The following SCLT1 variants were observed in gnomAD, a reference collection of about 807,000 sequenced individuals.
SCLT1 encodes the protein sodium channel-associated protein 1.
SCLT1 carries 78 observed loss-of-function variants against 112.8 expected under a neutral mutation model. The observed-to-expected ratio is 0.69, with a 90% CI of 0.58 to 0.83. The LOEUF (loss-of-function observed/expected upper bound fraction) is 0.83. Ranked by LOEUF, SCLT1 falls within the 40% of genes least tolerant of loss-of-function variation. The probability of loss-of-function intolerance (pLI) is 0.00; values close to 1 mark genes in which losing one functional copy is unlikely to be tolerated. For synonymous variants in SCLT1, 257 were observed against 254.7 expected (o/e 1.01, Z -0.09); for missense variants, 747 against 770.4 (o/e 0.97, Z 0.36).
chr4:129,088,493 A>G (rs1263591119), intron 1 of SCLT1, among the ~76,000 whole-genome samples: 1 of 152,242 alleles, frequency 6.6e-6, no homozygotes, highest in Non-Finnish European at 1.5e-5. Flanking sequence ...CTTCTGTTCA[A>G]TACTGTACCA....
intron 1 of SCLT1, among the ~76,000 whole-genome samples, chr4:129,085,137 T>C (rs543491298): frequency 6.6e-6 from 1 of 152,274 alleles, no homozygotes; most frequent in South Asian, 2.1e-4. Flanking sequence ...AAAGGTCTAA[T>C]AGTCAGCATC....
intron 11 of SCLT1, among the ~76,000 whole-genome samples, chr4:128,964,911 G>T (rs1740044143): frequency 6.6e-6 from 1 of 151,866 alleles, no homozygotes; most frequent in East Asian, 1.9e-4. Context: ...TGATATCAAG[G>T]GTTTTATTTG....
chr4:128,952,174 T>C (rs1320275500), intron 14 of SCLT1, among the ~76,000 whole-genome samples: 3 of 152,174 alleles, frequency 2.0e-5, no homozygotes, highest in Admixed American at 1.3e-4. Flanking sequence ...TGCTAAATTT[T>C]GTAACAGAGA....
intron 5 of SCLT1, among the ~76,000 whole-genome samples, chr4:129,034,515 T>C (rs1747012847): frequency 6.6e-6 from 1 of 151,162 alleles, no homozygotes; most frequent in South Asian, 2.1e-4. Context: ...CTACTTTATA[T>C]GCTAAATACT....
At chr4:128,992,282 CTG>C (rs1742643411) in intron 8 of SCLT1, 45 bp from the exon 9 acceptor site, 5 of 1,219,950 alleles carry the variant, frequency 4.1e-6, no homozygotes, top group Admixed American at 2.1e-5. Context: ...TATTTAATAA[CTG>C]TATCTTTAAA....
At chr4:128,989,175 A>C (rs1189320009) in intron 9 of SCLT1, among the ~76,000 whole-genome samples, 2 of 151,932 alleles carry the variant, frequency 1.3e-5, no homozygotes. Flanking sequence ...TGAAAAATAT[A>C]TGTTTTTCTT....
At chr4:129,074,480 A>C (rs376292660) in intron 2 of SCLT1, among the ~76,000 whole-genome samples, 7 of 152,212 alleles carry the variant, frequency 4.6e-5, no homozygotes, top group African/African-American at 1.4e-4. Flanking sequence ...TTTGCTAGTG[A>C]AACTTTTAGA....
chr4:129,058,986 GGATATAATTGAATTCATCAT>G (rs927197395), intron 2 of SCLT1, among the ~76,000 whole-genome samples: 5 of 152,172 alleles, frequency 3.3e-5, no homozygotes, highest in Admixed American at 6.5e-5. Context: ...TCAGGAAGGA[GGATATAATTGAATTCATCAT>G]GATATAATTG....
intron 2 of SCLT1, among the ~76,000 whole-genome samples, chr4:129,049,234 T>C (rs1748507050): frequency 6.6e-6 from 1 of 151,698 alleles, no homozygotes; most frequent in Non-Finnish European, 1.5e-5. Context: ...CCAACCCAAA[T>C]GTCCAACAAT....
chr4:129,044,730 A>G (rs1439317960), intron 2 of SCLT1, among the ~76,000 whole-genome samples: 1 of 151,824 alleles, frequency 6.6e-6, no homozygotes, highest in Non-Finnish European at 1.5e-5. Context: ...ATTGCACTCA[A>G]AAATGAAGTT....
At chr4:129,005,444 T>C (rs1743909966) in intron 5 of SCLT1, among the ~76,000 whole-genome samples, 1 of 152,096 alleles carries the variant, frequency 6.6e-6, no homozygotes, top group Non-Finnish European at 1.5e-5. Context: ...ATCAGAGAAA[T>C]GCAAATCAAA....
In SCLT1 at chr4:128,925,045, T is replaced by C. The variant is rs572664526; in HGVS notation, c.1829+11610A>G. On this transcript the variant is annotated intron_variant, in intron 18 of 20. Coordinates refer to ENST00000281142, the MANE Select transcript of SCLT1 (RefSeq NM_144643.4). ...AACAAGGCAAGGAACTGATGTCTCC[T>C]GCCAATGCCAGTTAAGACCCGAGGC... 9.2e-5 allele frequency among the ~76,000 whole-genome samples: 14 copies of C among 152,264 alleles called. No homozygotes were observed. In the East Asian group the frequency reaches 2.7e-3, roughly 29 times the overall value.
At chr4:129,032,955 C>G (rs1215649753) in intron 5 of SCLT1, among the ~76,000 whole-genome samples, 3 of 152,110 alleles carry the variant, frequency 2.0e-5, no homozygotes, top group African/African-American at 7.2e-5. Flanking sequence ...ACCAGAAATT[C>G]CATTTGATCC....
At chr4:129,073,607 C>T (rs549776769) in intron 2 of SCLT1, among the ~76,000 whole-genome samples, 2 of 152,096 alleles carry the variant, frequency 1.3e-5, no homozygotes, top group African/African-American at 4.8e-5. Context: ...CTAATGCCTG[C>T]CTTATTCACT....
intron 1 of SCLT1, among the ~76,000 whole-genome samples, chr4:129,091,768 T>C (rs1214294178): frequency 6.6e-6 from 1 of 152,244 alleles, no homozygotes; most frequent in Non-Finnish European, 1.5e-5. Flanking sequence ...TGTGTTCTTA[T>C]ACTCATTATA....
At chr4:129,027,877 C>T (rs556906244) in intron 5 of SCLT1, among the ~76,000 whole-genome samples, 1 of 152,174 alleles carries the variant, frequency 6.6e-6, no homozygotes, top group East Asian at 1.9e-4. Context: ...TCTTATACAC[C>T]AATAACAGAC....
At chr4:128,958,055 T>G (rs550441917) in intron 12 of SCLT1, among the ~76,000 whole-genome samples, 1 of 152,292 alleles carries the variant, frequency 6.6e-6, no homozygotes. Flanking sequence ...ATCATTTATA[T>G]GCTGACAATC....
chr4:129,026,536 G>A (rs1306107759), intron 5 of SCLT1, among the ~76,000 whole-genome samples: 1 of 151,974 alleles, frequency 6.6e-6, no homozygotes, highest in Admixed American at 6.6e-5. Context: ...GAATCTCTGC[G>A]ACATATTCAA....
In SCLT1 at chr4:128,876,973, A is replaced by AAT. The variant is rs1560793921; in HGVS notation, n.226-338_226-337insAT. Among the ~76,000 whole-genome samples, 34 of 152,338 alleles carry AAT rather than the reference A, an allele frequency of 2.2e-4. 2 individuals are homozygous for AAT. Among genetic ancestry groups the AAT allele is most frequent in the African/African-American group, 7.9e-4 (33 of 41,574 alleles). ...TGCTTCGATCCCACCACCATTTGCT[A>AAT]TATAATTCAGGTCTCTTCATTTTTT... On this transcript the variant is annotated intron_variant and non_coding_transcript_variant, in intron 3 of 7. Transcript: ENST00000503565.
Sources: allele counts gnomAD v4.1 joint callset (sites outside exome capture counted in the v4.1 genomes callset), GRCh38; gene constraint gnomAD v4.1.1; transcripts MANE v1.5; gene names NCBI Gene and HGNC (gene_info 2026-07-23, HGNC 2026-07-21).